Variants in TUBB6 observed in about 807,000 individuals in gnomAD.
The protein encoded by TUBB6 is tubulin beta 6 class V.
In TUBB6, 18 loss-of-function variants were observed where a neutral mutation model predicts 32.3. That is an observed-to-expected ratio of 0.56 (90% CI 0.39 to 0.83). The LOEUF (loss-of-function observed/expected upper bound fraction) is 0.83. Ranked by LOEUF, TUBB6 falls within the 40% of genes least tolerant of loss-of-function variation. The probability of loss-of-function intolerance (pLI) is 0.00; values close to 1 mark genes in which losing one functional copy is unlikely to be tolerated. For synonymous variants in TUBB6, 280 were observed against 265.8 expected (o/e 1.05, Z -0.52); for missense variants, 480 against 632.0 (o/e 0.76, Z 2.58).
rs1907316956 is a variant in TUBB6 at position 12,326,169 on chromosome 18, CA to C, written c.*41del. ...GCCCCAACTCAGATCCTACAACACG[CA>C]AGTTCCTTCTTGAACCCTGGTGCCT... On this transcript the variant is annotated 3_prime_UTR_variant, in exon 4 of 4. Transcript: ENST00000317702. 1 of 1,578,654 alleles carries C rather than the reference CA, an allele frequency of 6.3e-7. No individual in the cohort carries two copies. Among genetic ancestry groups the C allele is most frequent in the African/African-American group, 1.3e-5 (1 of 74,486 alleles).
Position 12,325,566 on chromosome 18 carries a change from C to G in TUBB6, c.777C>G (p.Pro259=). 6.2e-7 allele frequency: 1 copy of G among 1,614,112 alleles called. No individual in the cohort carries two copies. The highest frequency in any genetic ancestry group is 8.5e-7 in the Non-Finnish European group (1 of 1,180,024). ...GCAAGCTGGCGGTGAACATGGTGCC[C>G]TTCCCGCGCCTGCACTTCTTCATGC... The part of the protein sequence containing the change: ...DLRKLAVNMV[P]FPRLHFFMPG... Residue 259 remains proline (P), a synonymous_variant, in exon 4 of 4, where the codon CCC becomes CCG. Coordinates refer to ENST00000317702, the MANE Select transcript of TUBB6 (RefSeq NM_032525.3).
At position 12,325,239 on chromosome 18, in the gene TUBB6, G is replaced by A; in HGVS notation, c.450G>A (p.Leu150=). 6.2e-7 allele frequency: 1 copy of A among 1,614,220 alleles called. No homozygotes were observed. Among genetic ancestry groups the A allele is most frequent in the Non-Finnish European group, 8.5e-7 (1 of 1,180,036 alleles). The part of the protein sequence containing the change: ...GGGTGSGMGT[L]LISKIREEFP... ...GCACGGGCTCAGGCATGGGCACGCT[G>A]CTCATCAGCAAGATCCGTGAGGAGT... Residue 150 remains leucine (L), a synonymous_variant, in exon 4 of 4, where the codon CTG becomes CTA. Coordinates refer to ENST00000317702, the MANE Select transcript of TUBB6 (RefSeq NM_032525.3).
Position 12,325,090 on chromosome 18 carries a change from T to C in TUBB6, c.301T>C (p.Trp101Arg). Residue 101 changes from tryptophan to arginine, a missense_variant, in exon 4 of 4, where the codon TGG becomes CGG. Coordinates refer to ENST00000317702, the MANE Select transcript of TUBB6 (RefSeq NM_032525.3). ...AGGCCAGACGGGTGCAGGGAACAAC[T>C]GGGCGAAAGGGCACTACACGGAGGG... ...IFGQTGAGNN[W>R]AKGHYTEGAE... 1 of 1,578,952 alleles carries C rather than the reference T, an allele frequency of 6.3e-7. No individual in the cohort carries two copies. Among genetic ancestry groups the C allele is most frequent in the South Asian group, 1.2e-5 (1 of 84,924 alleles).
At chr18:12,308,855 G>A in intron 2 of TUBB6, 60 bp downstream of exon 2, 2 of 1,129,732 alleles carry the variant, frequency 1.8e-6, no homozygotes, top group Non-Finnish European at 2.7e-6. Context: ...CTCCGGCGCC[G>A]CCTCTTAGCG....
intron 3 of TUBB6, among the ~76,000 whole-genome samples, chr18:12,324,341 G>T (rs775758324): frequency 1.2e-4 from 18 of 152,046 alleles, no homozygotes; most frequent in African/African-American, 1.7e-4. Flanking sequence ...CTGCACTCCA[G>T]CCTGGGCGAC....
chr18:12,324,983 T>C (rs1004031075), intron 3 of TUBB6, 84 bp from the exon 4 acceptor site: 1 of 1,518,834 alleles, frequency 6.6e-7, no homozygotes, highest in Admixed American at 2.2e-5. Context: ...ATGGAATCAC[T>C]TCACACCCTC....
At chr18:12,320,077 C>T (rs1198002832) in intron 3 of TUBB6, among the ~76,000 whole-genome samples, 6 of 151,890 alleles carry the variant, frequency 4.0e-5, no homozygotes, top group Admixed American at 6.6e-5. Flanking sequence ...CGTGAGCCAC[C>T]GTGCCCAGCC....
Position 12,326,318 on chromosome 18 carries a change from G to GT in TUBB6, c.*190dup. 1.2e-6 allele frequency: 1 copy of GT among 862,340 alleles called. No individual in the cohort carries two copies. Among genetic ancestry groups the GT allele is most frequent in the South Asian group, 2.0e-5 (1 of 50,928 alleles). 53.4% of individuals were successfully genotyped at this position (862,340 alleles called of 1,614,324 possible). On this transcript the variant is annotated 3_prime_UTR_variant, in exon 4 of 4. Transcript: ENST00000317702. ...GACTAAAAACAGCAGAGAATTGCGG[G>GT]TTCTACCCAGTCAGAAGATCACACC...
downstream of TUBB6, chr18:12,329,474 G>T: frequency 7.5e-7 from 1 of 1,335,478 alleles, no homozygotes; most frequent in Non-Finnish European, 1.1e-6. Context: ...TAAAATCAGC[G>T]CAGCATTCCC....
At chr18:12,319,365 G>A (rs1024180030) in intron 3 of TUBB6, among the ~76,000 whole-genome samples, 1 of 151,856 alleles carries the variant, frequency 6.6e-6, no homozygotes, top group Non-Finnish European at 1.5e-5. Flanking sequence ...GGCTGGTCTC[G>A]AACTCCTGAC....
chr18:12,321,315 T>C (rs925306796), intron 3 of TUBB6, among the ~76,000 whole-genome samples: 6 of 152,206 alleles, frequency 3.9e-5, no homozygotes, highest in Non-Finnish European at 8.8e-5. Flanking sequence ...ACCTACAGTG[T>C]GTAGCACTGA....
At position 12,325,883 on chromosome 18, in the gene TUBB6, C is replaced by T; in HGVS notation, c.1094C>T (p.Ser365Phe). ...CCGCCCCGCGGCCTGAAGATGGCCT[C>T]CACCTTCATCGGCAACAGCACGGCC... is the stretch of plus-strand genomic sequence containing the variant. ...DIPPRGLKMA[S>F]TFIGNSTAIQ... Residue 365 changes from serine to phenylalanine, a missense_variant, in exon 4 of 4, where the codon TCC becomes TTC. Coordinates refer to ENST00000317702, the MANE Select transcript of TUBB6 (RefSeq NM_032525.3). 1 of 1,614,146 alleles carries T rather than the reference C, an allele frequency of 6.2e-7. No individual in the cohort carries two copies. Among genetic ancestry groups the T allele is most frequent in the Non-Finnish European group, 8.5e-7 (1 of 1,180,052 alleles).
chr18:12,324,470 T>A (rs1907161722), intron 3 of TUBB6, among the ~76,000 whole-genome samples: 1 of 145,130 alleles, frequency 6.9e-6, no homozygotes. Context: ...TGAGCTGTAG[T>A]CCCATTCTGA....
At chr18:12,328,793 CAT>C (rs1258873636), downstream of TUBB6, among the ~76,000 whole-genome samples, 6 of 152,200 alleles carry the variant, frequency 3.9e-5, no homozygotes, top group East Asian at 1.2e-3. Flanking sequence ...TTACAGGACA[CAT>C]AACTCTAGAA....
intron 3 of TUBB6, among the ~76,000 whole-genome samples, chr18:12,319,430 G>C (rs1443469039): frequency 6.6e-6 from 1 of 152,054 alleles, no homozygotes; most frequent in Non-Finnish European, 1.5e-5. Context: ...ACAGGTGTGA[G>C]CCACCGCGCC....
chr18:12,321,660 G>C (rs557021699), intron 3 of TUBB6, among the ~76,000 whole-genome samples: 1 of 152,214 alleles, frequency 6.6e-6, no homozygotes, highest in African/African-American at 2.4e-5. Flanking sequence ...GCCACCAGCC[G>C]TGTGTAGACA....
chr18:12,311,119 C>A, intron 3 of TUBB6, 66 bp downstream of exon 3: 1 of 1,325,498 alleles, frequency 7.5e-7, no homozygotes, highest in Non-Finnish European at 1.1e-6. Flanking sequence ...TTTTATATGC[C>A]AGATTTAAAG....
chr18:12,311,159 G>C, intron 3 of TUBB6, 106 bp downstream of exon 3: 2 of 982,454 alleles, frequency 2.0e-6, no homozygotes, highest in Non-Finnish European at 3.0e-6. Context: ...AGTGTGAATG[G>C]AAATCAGTGG....
chr18:12,324,241 G>A (rs1001707698), intron 3 of TUBB6, among the ~76,000 whole-genome samples: 3 of 151,940 alleles, frequency 2.0e-5, no homozygotes, highest in Admixed American at 6.6e-5. Flanking sequence ...GTGGTGGCAG[G>A]CGCCTGTAGT....
Sources: allele counts gnomAD v4.1 joint callset (sites outside exome capture counted in the v4.1 genomes callset), GRCh38; gene constraint gnomAD v4.1.1; transcripts MANE v1.5; gene names NCBI Gene and HGNC (gene_info 2026-07-23, HGNC 2026-07-21).